The following LAMC2 variants were observed in gnomAD, a reference collection of about 807,000 sequenced individuals.
LAMC2 encodes laminin subunit gamma-2.
A neutral mutation model predicts 140.2 loss-of-function variants in LAMC2; 97 were observed. The observed-to-expected ratio is 0.69, with a 90% CI of 0.59 to 0.82. The LOEUF is 0.82. Among genes scored for constraint, LAMC2 ranks in the 40% least tolerant of loss-of-function variants. LAMC2 has a pLI of 0.00. For missense variants in LAMC2, 1,402 were observed against 1,476.1 expected (o/e 0.95, Z 0.82); for synonymous variants, 513 against 540.2 (o/e 0.95, Z 0.70).
chr1:183,192,874 T>G (rs915331185), intron 1 of LAMC2, among the ~76,000 whole-genome samples: 8 of 152,074 alleles, frequency 5.3e-5, no homozygotes, highest in Non-Finnish European at 1.2e-4. Context: ...CTGACTAATT[T>G]TTTGTATTTT....
chr1:183,241,955 G>A (rs565397084), intron 22 of LAMC2, among the ~76,000 whole-genome samples: 10 of 152,254 alleles, frequency 6.6e-5, no homozygotes, highest in Admixed American at 2.6e-4. Context: ...TTTACTATGT[G>A]TCAGATGTTT....
chr1:183,191,791 A>G (rs1658343775), intron 1 of LAMC2, among the ~76,000 whole-genome samples: 1 of 152,042 alleles, frequency 6.6e-6, no homozygotes, highest in Non-Finnish European at 1.5e-5. Context: ...CCCGGGAGGC[A>G]GAGATTGCAG....
chr1:183,235,698 G>C lies in LAMC2; in HGVS notation c.2424G>C (p.Pro808=), dbSNP rs1439094815. ...GAGTCGGAAGCGGAAGCGGTAGCCC[G>C]GACGGTGCTGTGGTGCAAGGGCTTG... ...HEGVGSGSGS[P]DGAVVQGLVE... is the part of the protein sequence containing the mutation. The change falls in exon 16 of 23, where the codon CCG becomes CCC. Residue 808 remains proline (P), a synonymous_variant. Transcript: ENST00000264144. The C allele has an allele frequency of 1.2e-6, 2 of 1,614,184 alleles. No homozygotes were observed. Among genetic ancestry groups the C allele is most frequent in the South Asian group, 2.2e-5 (2 of 91,078 alleles).
At chr1:183,200,484 A>G (rs1658672818) in intron 1 of LAMC2, among the ~76,000 whole-genome samples, 1 of 152,232 alleles carries the variant, frequency 6.6e-6, no homozygotes, top group South Asian at 2.1e-4. Context: ...GTATGCCTCA[A>G]AAGGGCACTG....
At position 183,228,565 on chromosome 1, in the gene LAMC2, A is replaced by T. The variant is rs1260388645; in HGVS notation, c.1660A>T (p.Lys554Ter). Residue 554 changes from lysine to a stop codon, truncating the protein, a stop_gained, in exon 11 of 23, where the codon AAA (lysine) becomes TAA (stop). Coordinates refer to ENST00000264144, the MANE Select transcript of LAMC2 (RefSeq NM_005562.3). LOFTEE classifies it high-confidence loss of function. This position sits in a 1 kb window ranked among gnomAD's most constrained non-coding sequence, Gnocchi z 4.3. Reference protein sequence around the residue: ...NTAGIYCDQCKAGYFGDPLAP... With the variant: ...NTAGIYCDQC ...AGCCGGCATCTACTGCGACCAGTGCAAAGCAGGCTACTTCGGGGACCCATT... is the reference window on the plus strand; with the variant it reads ...AGCCGGCATCTACTGCGACCAGTGCTAAGCAGGCTACTTCGGGGACCCATT... 1 of 1,614,032 alleles carries T rather than the reference A, an allele frequency of 6.2e-7. No individual in the cohort carries two copies. Among genetic ancestry groups the T allele is most frequent in the Non-Finnish European group, 8.5e-7 (1 of 1,180,024 alleles).
intron 4 of LAMC2, among the ~76,000 whole-genome samples, chr1:183,218,998 G>A (rs568377165): frequency 6.6e-6 from 1 of 152,352 alleles, no homozygotes; most frequent in South Asian, 2.1e-4. Flanking sequence ...GCATGGGGCT[G>A]GGAGGAGGTA....
chr1:183,188,824 C>T (rs1658234498), intron 1 of LAMC2, among the ~76,000 whole-genome samples: 3 of 152,136 alleles, frequency 2.0e-5, no homozygotes. Context: ...GGAGGTATGA[C>T]TGGAGAAGGA....
At chr1:183,205,276 G>C (rs574112916) in intron 1 of LAMC2, among the ~76,000 whole-genome samples, 2 of 152,268 alleles carry the variant, frequency 1.3e-5, no homozygotes, top group East Asian at 3.8e-4. Flanking sequence ...GCTCTTGTAC[G>C]TGCATAGTCA....
intron 22 of LAMC2, among the ~76,000 whole-genome samples, chr1:183,241,645 C>T (rs1295018106): frequency 1.3e-5 from 2 of 152,046 alleles, no homozygotes; most frequent in Non-Finnish European, 2.9e-5. Context: ...AGTAGAACAA[C>T]TTCGAAACTG....
chr1:183,228,281 T>C lies in LAMC2; in HGVS notation c.1469-93T>C. On this transcript the variant is annotated intron_variant, in intron 10 of 22. Coordinates refer to ENST00000264144, the MANE Select transcript of LAMC2 (RefSeq NM_005562.3). This position sits in a 1 kb window ranked among gnomAD's most constrained non-coding sequence, Gnocchi z 4.3. Reference sequence around the variant, plus strand: ...CCCTAGGGAAGCACATTTCTCTGGCTCTTCTAGAGGGTGACTCGCAACTTT... The same window carrying C: ...CCCTAGGGAAGCACATTTCTCTGGCCCTTCTAGAGGGTGACTCGCAACTTT... 3 of 1,542,090 alleles carry C rather than the reference T, an allele frequency of 1.9e-6. No individual in the cohort carries two copies. Among genetic ancestry groups the C allele is most frequent in the Non-Finnish European group, 2.7e-6 (3 of 1,117,908 alleles).
intron 2 of LAMC2, among the ~76,000 whole-genome samples, chr1:183,211,285 TC>T (rs1477188901): frequency 6.6e-6 from 1 of 150,816 alleles, no homozygotes; most frequent in Non-Finnish European, 1.5e-5. Flanking sequence ...GCAAGTTTTT[TC>T]CTCCCATGAC....
chr1:183,251,905 G>A, the LAMC2 span: 1 of 158,340 alleles, frequency 6.3e-6, no homozygotes, highest in African/African-American at 2.4e-5. Context: ...GTGTGTATGT[G>A]CGTGCGCGGG....
intron 12 of LAMC2, 65 bp from the exon 13 acceptor site, chr1:183,232,122 G>A: frequency 3.8e-6 from 6 of 1,580,578 alleles, no homozygotes; most frequent in Admixed American, 1.7e-5. Context: ...TGGGTACCTG[G>A]TATTGGATGA....
In LAMC2 at chr1:183,228,334, A is replaced by G; in HGVS notation, c.1469-40A>G. ...GCCTCTGCGTCTGGTCTTCCTCCTG[A>G]TGGATGTCGACCTAGGCTTGGTCAT... is the stretch of plus-strand genomic sequence containing the variant. On this transcript the variant is annotated intron_variant, in intron 10 of 22. Coordinates refer to ENST00000264144, the MANE Select transcript of LAMC2 (RefSeq NM_005562.3). This position sits in a 1 kb window ranked among gnomAD's most constrained non-coding sequence, Gnocchi z 4.3. The G allele has an allele frequency of 6.2e-7, 1 of 1,613,904 alleles. No individual in the cohort carries two copies.
Position 183,186,269 on chromosome 1 carries a change from G to A in LAMC2, c.-84G>A. 1 of 1,528,152 alleles carries A rather than the reference G, an allele frequency of 6.5e-7. No homozygotes were observed. Among genetic ancestry groups the A allele is most frequent in the Non-Finnish European group, 8.8e-7 (1 of 1,141,596 alleles). 94.7% of individuals were successfully genotyped at this position (1,528,152 alleles called of 1,614,324 possible). A position where few individuals can be genotyped will look rare whatever the true frequency, so the allele number is the denominator to read the frequency against. On this transcript the variant is annotated 5_prime_UTR_variant, in exon 1 of 23. Coordinates refer to ENST00000264144, the MANE Select transcript of LAMC2 (RefSeq NM_005562.3). Reference sequence around the variant, plus strand: ...TGATCAAGGAAAAGGAAGGCACAGCGGAGCGCAGAGTGAGAACCACCAACC... The same window carrying A: ...TGATCAAGGAAAAGGAAGGCACAGCAGAGCGCAGAGTGAGAACCACCAACC...
Position 183,226,742 on chromosome 1 carries a change from G to A in LAMC2, c.1111G>A (p.Val371Ile). 1 of 1,614,258 alleles carries A rather than the reference G, an allele frequency of 6.2e-7. No homozygotes were observed. The highest frequency in any genetic ancestry group is 1.3e-5 in the African/African-American group (1 of 75,068). ...DNVTLISARP[V>I]SGAPAPWVEQ... Reference sequence around the variant, plus strand: ...TGTGACCCTGATTTCAGCCCGCCCTGTCTCTGGAGCCCCAGCACCCTGGGT... The same window carrying A: ...TGTGACCCTGATTTCAGCCCGCCCTATCTCTGGAGCCCCAGCACCCTGGGT... The change falls in exon 9 of 23, where the codon GTC becomes ATC. Residue 371 changes from valine to isoleucine, a missense_variant. Transcript: ENST00000264144.
chr1:183,209,715 A>G (rs1447571815), intron 2 of LAMC2, among the ~76,000 whole-genome samples: 2 of 152,246 alleles, frequency 1.3e-5, no homozygotes, highest in African/African-American at 2.4e-5. Flanking sequence ...GAATGAAACT[A>G]GAAATTTAAT....
rs755553095 is a variant in LAMC2 at position 183,243,354 on chromosome 1, A to G, written c.3536A>G (p.Asn1179Ser). ...AAGAACTTGGAGAACATTAGGGACA[A>G]CCTGCCCCCAGGCTGCTACAATACC... ...DVKNLENIRD[N>S]LPPGCYNTQA... The change falls in exon 23 of 23, where the codon AAC (asparagine) becomes AGC (serine). Residue 1179 changes from asparagine (N) to serine (S), a missense_variant. Asn to Ser is a conservative substitution (Grantham distance 46). Around this residue, in one of 3 missense-constraint regions of LAMC2, gnomAD observed 670 missense variants for 667.2 expected, o/e 1.00. Coordinates refer to ENST00000264144, the MANE Select transcript of LAMC2 (RefSeq NM_005562.3). The G allele has an allele frequency of 1.2e-6, 2 of 1,614,166 alleles. No homozygotes were observed. Among genetic ancestry groups the G allele is most frequent in the Non-Finnish European group, 1.7e-6 (2 of 1,180,020 alleles).
intron 7 of LAMC2, among the ~76,000 whole-genome samples, chr1:183,223,820 G>A (rs1369689902): frequency 2.0e-5 from 3 of 152,182 alleles, no homozygotes; most frequent in Non-Finnish European, 1.5e-5. Flanking sequence ...AAGTGAGGTA[G>A]GAGAAAGAGG....
Sources: gnomAD v4.1 joint callset for allele counts (sites outside exome capture counted in the v4.1 genomes callset) on GRCh38, gnomAD v4.1.1 for gene constraint, gnomAD v4.1.1 regional missense constraint, Gnocchi (gnomAD v3.1) non-coding constraint, MANE v1.5 for transcripts, NCBI Gene and HGNC (gene_info 2026-07-23, HGNC 2026-07-21) for gene names.